ITSN1: variants seen among roughly 807,000 people sequenced by gnomAD.
The protein encoded by ITSN1 is intersectin 1.
In ITSN1, 58 loss-of-function variants were observed where a neutral mutation model predicts 239.8. That is an observed-to-expected ratio of 0.24 (90% CI 0.20 to 0.30). ITSN1 has a LOEUF of 0.30. Among genes scored for constraint, ITSN1 ranks in the 10% least tolerant of loss-of-function variants. The pLI, the probability that ITSN1 is intolerant of heterozygous loss-of-function variation, is 1.00. For synonymous variants in ITSN1, 780 were observed against 770.8 expected, an observed-to-expected ratio of 1.01 and a Z score of -0.20; for missense variants, 1,558 against 2,103.3, an observed-to-expected ratio of 0.74 and a Z score of 5.07.
intron 1 of ITSN1, among the ~76,000 whole-genome samples, chr21:33,669,755 AAT>A (rs1279970619): frequency 6.6e-6 from 1 of 151,924 alleles, no homozygotes; most frequent in Non-Finnish European, 1.5e-5. Flanking sequence ...TTTAAGTTTT[AAT>A]ATGTTTGTGG....
rs192366350 is a variant in ITSN1 at position 33,840,433 on chromosome 21, G to A, written c.3661+3801G>A. Among the ~76,000 whole-genome samples the A allele has an allele frequency of 3.3e-5, 5 of 151,682 alleles. No homozygotes were observed. The East Asian group carries it at 9.6e-4, about 29-fold the overall frequency. On this transcript the variant is annotated intron_variant, in intron 29 of 39. Transcript: ENST00000381318. Reference sequence around the variant, plus strand: ...GGCTGGAGTGCAGTGTCGTGATCTCGGCTCACTGCAACCTCCACCTCCCGG... The same window carrying A: ...GGCTGGAGTGCAGTGTCGTGATCTCAGCTCACTGCAACCTCCACCTCCCGG...
intron 34 of ITSN1, among the ~76,000 whole-genome samples, chr21:33,877,501 G>A (rs1011896209): frequency 1.3e-5 from 2 of 152,148 alleles, no homozygotes; most frequent in Non-Finnish European, 2.9e-5. Context: ...ACCTGATAAA[G>A]CACACATTCT....
At position 33,661,464 on chromosome 21, in the gene ITSN1, C is replaced by CAGTGAAGA. The variant is rs560896286; in HGVS notation, c.-33+18753_-33+18760dup. On this transcript the variant is annotated intron_variant, in intron 1 of 39. Transcript: ENST00000381318. The stretch of plus-strand genomic sequence containing the variant: ...TTTTTTTTTTTATGTGAGTGTTTGG[C>CAGTGAAGA]AGTGAAGAATCCAGTGACCACACTG... Among the ~76,000 whole-genome samples the CAGTGAAGA allele has an allele frequency of 4.7e-4, 71 of 151,716 alleles. 1 individual carries two copies. The East Asian group carries it at 0.012, about 25-fold the overall frequency.
intron 31 of ITSN1, among the ~76,000 whole-genome samples, chr21:33,861,991 T>TAAA (rs776558259): frequency 0.22 from 12,471 of 57,934 alleles, 1,927 homozygotes; most frequent in East Asian, 0.37. Flanking sequence ...TCATCTCTAC[T>TAAA]AAAAAAAAAA....
chr21:33,749,198 CTGT>C (rs2067386201), intron 5 of ITSN1, among the ~76,000 whole-genome samples: 1 of 152,056 alleles, frequency 6.6e-6, no homozygotes, highest in African/African-American at 2.4e-5. Context: ...CTATGTTGCC[CTGT>C]CTGGTTTTGG....
At chr21:33,676,226 C>T (rs1371498705) in intron 1 of ITSN1, among the ~76,000 whole-genome samples, 1 of 151,978 alleles carries the variant, frequency 6.6e-6, no homozygotes, top group African/African-American at 2.4e-5. Flanking sequence ...TAGGTGATCC[C>T]TCCGCTTCGG....
At chr21:33,761,883 G>A in intron 8 of ITSN1, 40 bp from the exon 9 acceptor site, 1 of 1,451,494 alleles carries the variant, frequency 6.9e-7, no homozygotes, top group Non-Finnish European at 9.7e-7. Context: ...GTGAGTATTT[G>A]CTGACTCATC....
chr21:33,728,930 C>T (rs1185092945), intron 4 of ITSN1, among the ~76,000 whole-genome samples: 3 of 151,970 alleles, frequency 2.0e-5, no homozygotes, highest in Non-Finnish European at 4.4e-5. Context: ...GAATGAATGA[C>T]TGGATTAGTC....
chr21:33,661,197 G>GT (rs1477766663), intron 1 of ITSN1, among the ~76,000 whole-genome samples: 5 of 150,602 alleles, frequency 3.3e-5, no homozygotes, highest in South Asian at 2.1e-4. Flanking sequence ...AATAATCATA[G>GT]TTTTTTTTGG....
chr21:33,648,121 T>C (rs1441868089), intron 1 of ITSN1, among the ~76,000 whole-genome samples: 1 of 152,220 alleles, frequency 6.6e-6, no homozygotes, highest in Non-Finnish European at 1.5e-5. Context: ...ACTTAACCAG[T>C]GACAAACCTA....
chr21:33,883,696 T>A lies in ITSN1; in HGVS notation c.4676+25T>A, dbSNP rs13052780. The A allele has an allele frequency of 0.11, 177,430 of 1,609,222 alleles. 14,254 individuals carry two copies. The highest frequency in any genetic ancestry group is 0.43 in the African/African-American group (31,809 of 74,718). On this transcript the variant is annotated intron_variant, in intron 36 of 39. Coordinates refer to ENST00000381318, the MANE Select transcript of ITSN1 (RefSeq NM_003024.3). Reference sequence around the variant, plus strand: ...GGTGAGACCTGCCGCCTCCCCAGCATGGGCCCCAGGGCTCCACGGCTCTAG... The same window carrying A: ...GGTGAGACCTGCCGCCTCCCCAGCAAGGGCCCCAGGGCTCCACGGCTCTAG...
intron 4 of ITSN1, among the ~76,000 whole-genome samples, chr21:33,724,745 T>C (rs1180946748): frequency 6.6e-6 from 1 of 152,150 alleles, no homozygotes; most frequent in Non-Finnish European, 1.5e-5. Flanking sequence ...AGGGAGACAA[T>C]AACAACACAA....
rs1986536927 is a variant in ITSN1, at chr21:33,893,966, G to C, written c.*5666G>C. On this transcript the variant is annotated 3_prime_UTR_variant, in exon 40 of 40. Transcript: ENST00000381318. ...AAAACCCAGACACCAAGACACACTA[G>C]ACAGTCCATCTCTGGGTTGTGATCT... 1 of 152,154 alleles carries C rather than the reference G, an allele frequency of 6.6e-6. No individual in the cohort carries two copies. Among genetic ancestry groups the C allele is most frequent in the Non-Finnish European group, 1.5e-5 (1 of 68,044 alleles). 9.4% of individuals were successfully genotyped at this position (152,154 alleles called of 1,614,324 possible).
intron 29 of ITSN1, among the ~76,000 whole-genome samples, chr21:33,848,370 A>G (rs2075049523): frequency 6.6e-6 from 1 of 152,232 alleles, no homozygotes; most frequent in African/African-American, 2.4e-5. Flanking sequence ...AGGAGGAACC[A>G]GCCCTGTTGT....
chr21:33,775,191 T>A, intron 14 of ITSN1, 83 bp downstream of exon 14: 2 of 1,439,238 alleles, frequency 1.4e-6, no homozygotes, highest in Non-Finnish European at 1.9e-6. Context: ...ACTTATTCAG[T>A]AAACATTAAG....
At chr21:33,796,817 A>G (rs1195067062) in intron 17 of ITSN1, among the ~76,000 whole-genome samples, 1 of 152,246 alleles carries the variant, frequency 6.6e-6, no homozygotes, top group Non-Finnish European at 1.5e-5. Context: ...GGAATGAGAA[A>G]AATCATTCTC....
intron 9 of ITSN1, 107 bp from the exon 10 acceptor site, chr21:33,765,768 C>A: frequency 9.1e-7 from 1 of 1,101,978 alleles, no homozygotes; most frequent in Non-Finnish European, 1.3e-6. Flanking sequence ...CAAAGAGACT[C>A]AGTTGGCCTG....
At chr21:33,771,181 A>C (rs2069131032) in intron 11 of ITSN1, among the ~76,000 whole-genome samples, 1 of 152,220 alleles carries the variant, frequency 6.6e-6, no homozygotes, top group African/African-American at 2.4e-5. Context: ...CGCTGACTAC[A>C]GTACGTGAAG....
intron 24 of ITSN1, among the ~76,000 whole-genome samples, chr21:33,821,936 TAATG>T (rs2073700778): frequency 6.6e-6 from 1 of 152,198 alleles, no homozygotes; most frequent in Non-Finnish European, 1.5e-5. Context: ...ATGAGTCTGT[TAATG>T]AAGAAAGAAT....
Sources: gnomAD v4.1 joint callset for allele counts (sites outside exome capture counted in the v4.1 genomes callset) on GRCh38, gnomAD v4.1.1 for gene constraint, MANE v1.5 for transcripts, NCBI Gene and HGNC (gene_info 2026-07-23, HGNC 2026-07-21) for gene names.